Variants in RPTOR observed in about 807,000 individuals in gnomAD.
The protein encoded by RPTOR is regulatory-associated protein of mTOR.
Under a neutral mutation model 169.9 loss-of-function variants are expected in RPTOR, and 21 were observed. That is an observed-to-expected ratio of 0.12 (90% confidence interval 0.09 to 0.18). The LOEUF is 0.18. Ranked by LOEUF, RPTOR falls within the 10% of genes least tolerant of loss-of-function variation. The pLI is 1.00. For missense variants in RPTOR, 1,133 were observed against 1,855.9 expected, an observed-to-expected ratio of 0.61 and a Z score of 7.16; for synonymous variants, 732 against 753.2, an observed-to-expected ratio of 0.97 and a Z score of 0.46.
intron 1 of RPTOR, among the ~76,000 whole-genome samples, chr17:80,572,768 G>A (rs563986547): frequency 2.0e-5 from 3 of 152,190 alleles, no homozygotes; most frequent in Middle Eastern, 3.4e-3. Flanking sequence ...CTTTCCACTC[G>A]GAGGCTTGTT....
intron 13 of RPTOR, among the ~76,000 whole-genome samples, chr17:80,872,260 G>A (rs567433662): frequency 6.6e-5 from 10 of 152,346 alleles, no homozygotes; most frequent in East Asian, 1.9e-4. Flanking sequence ...TGCTTTCGTC[G>A]TTTGGAAAGT....
chr17:80,706,977 C>T (rs539245712), intron 3 of RPTOR, among the ~76,000 whole-genome samples: 2 of 152,284 alleles, frequency 1.3e-5, no homozygotes, highest in Non-Finnish European at 1.5e-5. Context: ...TGCTCTGTGG[C>T]TTTCGAGATG....
At chr17:80,665,924 G>T (rs1341932612) in intron 3 of RPTOR, among the ~76,000 whole-genome samples, 1 of 152,136 alleles carries the variant, frequency 6.6e-6, no homozygotes, top group Non-Finnish European at 1.5e-5. Flanking sequence ...AGGAAGTCTT[G>T]TTTGTCTCGT....
At chr17:80,703,039 C>T (rs1470373196) in intron 3 of RPTOR, among the ~76,000 whole-genome samples, 5 of 152,224 alleles carry the variant, frequency 3.3e-5, no homozygotes, top group African/African-American at 4.8e-5. Context: ...CCCTGCAGAT[C>T]GATGGGCCCG....
chr17:80,847,066 G>A (rs1406365670), intron 11 of RPTOR, among the ~76,000 whole-genome samples: 2 of 152,262 alleles, frequency 1.3e-5, no homozygotes, highest in Non-Finnish European at 2.9e-5. Flanking sequence ...CCGGCGAAGC[G>A]GGCAGAGCGG....
At chr17:80,607,430 A>G (rs953642575) in intron 1 of RPTOR, among the ~76,000 whole-genome samples, 1 of 152,058 alleles carries the variant, frequency 6.6e-6, no homozygotes, top group Non-Finnish European at 1.5e-5. Context: ...GCTCTTCTGT[A>G]TATGTTAGCT....
rs55752459 is a variant in RPTOR at position 80,966,117 on chromosome 17, A to ACCCCC, written c.*1792_*1796dup. On this transcript the variant is annotated 3_prime_UTR_variant, in exon 34 of 34. Transcript: ENST00000306801. ...GGCAGGTGGCTCCAGAGGGGTCAAG[A>ACCCCC]CCCCCCCCCGCCCCCGCTCCACCCT... The ACCCCC allele has an allele frequency of 3.4e-5, 6 of 175,602 alleles. No homozygotes were observed. Among genetic ancestry groups the ACCCCC allele is most frequent in the South Asian group, 2.6e-4 (1 of 3,894 alleles). The allele number at this position is 175,602 out of a possible 1,614,324, so 10.9% of individuals were successfully genotyped here. A position where few individuals can be genotyped will look rare whatever the true frequency, so the allele number is the denominator to read the frequency against.
intron 31 of RPTOR, 71 bp downstream of exon 31, chr17:80,961,551 C>A: frequency 6.8e-7 from 1 of 1,460,076 alleles, no homozygotes; most frequent in Non-Finnish European, 9.3e-7. Flanking sequence ...TAAAATACGT[C>A]CTTGGTATTT....
chr17:80,740,411 A>C (rs557123068), intron 5 of RPTOR, among the ~76,000 whole-genome samples: 11 of 152,296 alleles, frequency 7.2e-5, no homozygotes, highest in Admixed American at 2.0e-4. Flanking sequence ...ACACATTTCA[A>C]CTCATTTTAT....
chr17:80,551,260 C>T (rs1381551953), intron 1 of RPTOR, among the ~76,000 whole-genome samples: 9 of 151,704 alleles, frequency 5.9e-5, no homozygotes, highest in African/African-American at 9.7e-5. Flanking sequence ...TTAGGTGGGA[C>T]GAGAGACTTG....
intron 6 of RPTOR, among the ~76,000 whole-genome samples, chr17:80,776,716 A>G (rs776764895): frequency 6.6e-6 from 1 of 152,210 alleles, no homozygotes; most frequent in Non-Finnish European, 1.5e-5. Context: ...CATTATTTTC[A>G]GAGAGAAAAT....
At chr17:80,921,023 G>C (rs776851355) in intron 21 of RPTOR, among the ~76,000 whole-genome samples, 1 of 152,200 alleles carries the variant, frequency 6.6e-6, no homozygotes, top group Non-Finnish European at 1.5e-5. Flanking sequence ...ACAAGTTATG[G>C]TTCCATTTTC....
intron 5 of RPTOR, among the ~76,000 whole-genome samples, chr17:80,743,946 G>A (rs1453360259): frequency 2.1e-5 from 1 of 46,818 alleles, no homozygotes; most frequent in Non-Finnish European, 4.8e-5. Flanking sequence ...TACTAGCACA[G>A]CCCTGGCTAC....
chr17:80,611,685 C>T (rs2065271933), intron 1 of RPTOR, among the ~76,000 whole-genome samples: 1 of 151,938 alleles, frequency 6.6e-6, no homozygotes, highest in African/African-American at 2.4e-5. Context: ...GACCATACTT[C>T]CACAATATTA....
chr17:80,691,294 C>CGT (rs1289188386), intron 3 of RPTOR, among the ~76,000 whole-genome samples: 1 of 109,552 alleles, frequency 9.1e-6, no homozygotes, highest in Non-Finnish European at 1.8e-5. Context: ...GTGTGCATGT[C>CGT]GTGTGTGTGT....
intron 1 of RPTOR, among the ~76,000 whole-genome samples, chr17:80,595,049 GA>G (rs2065135099): frequency 6.6e-6 from 1 of 152,130 alleles, no homozygotes; most frequent in Non-Finnish European, 1.5e-5. Flanking sequence ...GAGAGAGAGA[GA>G]GAGGGAGAGA....
intron 7 of RPTOR, 27 bp from the exon 8 acceptor site, chr17:80,822,174 C>T (rs2067386593): frequency 6.2e-7 from 1 of 1,602,044 alleles, no homozygotes. Context: ...TGTGGCATCA[C>T]TCATGAGAAC....
At chr17:80,624,256 A>G (rs1480901922) in intron 1 of RPTOR, among the ~76,000 whole-genome samples, 1 of 152,234 alleles carries the variant, frequency 6.6e-6, no homozygotes, top group Admixed American at 6.5e-5. Flanking sequence ...AGTTAAAGGT[A>G]CATTTGAATA....
intron 1 of RPTOR, among the ~76,000 whole-genome samples, chr17:80,621,876 G>A (rs2143521426): frequency 6.6e-6 from 1 of 152,346 alleles, no homozygotes; most frequent in South Asian, 2.1e-4. Context: ...GGGGCGCACG[G>A]AGCATGTGGA....
Sources: gnomAD v4.1 joint callset for allele counts (sites outside exome capture counted in the v4.1 genomes callset) on GRCh38, gnomAD v4.1.1 for gene constraint, MANE v1.5 for transcripts, NCBI Gene and HGNC (gene_info 2026-07-23, HGNC 2026-07-21) for gene names.